SIAH2: variants seen among roughly 807,000 people sequenced by gnomAD.
SIAH2 encodes the protein E3 ubiquitin-protein ligase SIAH2.
In SIAH2, 4 loss-of-function variants were observed where a neutral mutation model predicts 20.4. That is an observed-to-expected ratio of 0.20 (90% confidence interval 0.10 to 0.45). The LOEUF is 0.45. Among genes scored for constraint, SIAH2 ranks in the 20% least tolerant of loss-of-function variants. The pLI is 0.99. For synonymous variants in SIAH2, 171 were observed against 192.5 expected, an observed-to-expected ratio of 0.89 and a Z score of 0.93; for missense variants, 259 against 440.3, an observed-to-expected ratio of 0.59 and a Z score of 3.69.
chr3:150,759,961 C>T (rs1714568673), intron 1 of SIAH2, among the ~76,000 whole-genome samples: 2 of 151,604 alleles, frequency 1.3e-5, no homozygotes, highest in African/African-American at 2.4e-5. Flanking sequence ...ATGAGCCAGC[C>T]CATGAGAGAT....
In SIAH2 at chr3:150,762,619, G is replaced by A. The variant is rs184012990; in HGVS notation, c.231C>T (p.Leu77=). 4 of 1,610,962 alleles carry A rather than the reference G, an allele frequency of 2.5e-6. No homozygotes were observed. The highest frequency in any genetic ancestry group is 4.5e-5 in the East Asian group (2 of 44,612). ...VSPQHHELTS[L]FECPVCFDYV... ...AGTCAAAGCAGACCGGACACTCGAAGAGCGAGGTCAGCTCGTGGTGCTGCG... is the reference window on the plus strand; with the variant it reads ...AGTCAAAGCAGACCGGACACTCGAAAAGCGAGGTCAGCTCGTGGTGCTGCG... Residue 77 remains leucine (L), a synonymous_variant, in exon 1 of 2, where the codon CTC becomes CTT. Transcript: ENST00000312960. This position sits in a 1 kb window ranked among gnomAD's most constrained non-coding sequence, Gnocchi z 6.6.
In SIAH2 at chr3:150,742,270, C is replaced by G. The variant is rs141195813; in HGVS notation, c.846G>C (p.Ser282=). Residue 282 remains serine (S), a synonymous_variant, in exon 2 of 2, where the codon TCG becomes TCC. Transcript: ENST00000312960. This position sits in a 1 kb window ranked among gnomAD's most constrained non-coding sequence, Gnocchi z 4.8. ...TGGCCGCAGCCACACCGTCATGAAT[C>G]GAACGGGGCGTGGCCTCCCAGGTCA... The part of the protein sequence containing the change: ...RRLTWEATPR[S]IHDGVAAAIM... 225 of 1,614,168 alleles carry G rather than the reference C, an allele frequency of 1.4e-4. No homozygotes were observed. In the African/African-American group the frequency reaches 2.8e-3, roughly 20 times the overall value.
chr3:150,759,106 T>C (rs1462672647), intron 1 of SIAH2, among the ~76,000 whole-genome samples: 2 of 152,068 alleles, frequency 1.3e-5, no homozygotes, highest in Non-Finnish European at 2.9e-5. Flanking sequence ...GGTCTCGAAC[T>C]CCTGACCTCA....
At chr3:150,759,957 C>T (rs1385350132) in intron 1 of SIAH2, among the ~76,000 whole-genome samples, 2 of 151,740 alleles carry the variant, frequency 1.3e-5, no homozygotes, top group Admixed American at 1.3e-4. Context: ...TCACATGAGC[C>T]AGCCCATGAG....
At chr3:150,756,405 C>G (rs1172654475) in intron 1 of SIAH2, among the ~76,000 whole-genome samples, 2 of 152,194 alleles carry the variant, frequency 1.3e-5, no homozygotes, top group African/African-American at 4.8e-5. Flanking sequence ...CCATGTCTCA[C>G]AAATTTTGTC....
At chr3:150,747,708 A>G (rs1475072218) in intron 1 of SIAH2, among the ~76,000 whole-genome samples, 3 of 152,084 alleles carry the variant, frequency 2.0e-5, no homozygotes, top group Non-Finnish European at 4.4e-5. Flanking sequence ...TGGGAGGTTG[A>G]GTCGGGTGGA....
intron 1 of SIAH2, among the ~76,000 whole-genome samples, chr3:150,759,063 G>C (rs1714547052): frequency 1.3e-5 from 2 of 151,504 alleles, no homozygotes; most frequent in South Asian, 4.2e-4. Context: ...TGTATTTTTA[G>C]TAGAGACAGG....
chr3:150,751,526 A>C (rs1041254937), intron 1 of SIAH2, among the ~76,000 whole-genome samples: 1 of 152,212 alleles, frequency 6.6e-6, no homozygotes, highest in Non-Finnish European at 1.5e-5. Flanking sequence ...AGAACTGTCA[A>C]GTCAAACAGT....
chr3:150,752,996 G>C (rs1400834716), intron 1 of SIAH2, among the ~76,000 whole-genome samples: 2 of 152,230 alleles, frequency 1.3e-5, no homozygotes, highest in Non-Finnish European at 2.9e-5. Context: ...AGCAAGGCAA[G>C]CAACATCCTT....
At chr3:150,746,484 G>C (rs73006998) in intron 1 of SIAH2, among the ~76,000 whole-genome samples, 19 of 152,048 alleles carry the variant, frequency 1.2e-4, no homozygotes, top group Non-Finnish European at 1.0e-4. Context: ...TGAGTTTCTC[G>C]ACAGTGGTGC....
chr3:150,754,962 CCT>C (rs759214863), intron 1 of SIAH2, among the ~76,000 whole-genome samples: 1 of 152,080 alleles, frequency 6.6e-6, no homozygotes, highest in Non-Finnish European at 1.5e-5. Flanking sequence ...AGGAATGATT[CCT>C]TTTTTTCAAG....
At chr3:150,759,497 G>T (rs543957154) in intron 1 of SIAH2, among the ~76,000 whole-genome samples, 3 of 152,240 alleles carry the variant, frequency 2.0e-5, no homozygotes, top group African/African-American at 7.2e-5. Flanking sequence ...AGACGGTTTT[G>T]TTACTGGTGT....
chr3:150,743,580 T>C (rs1230609988), intron 1 of SIAH2, among the ~76,000 whole-genome samples: 1 of 152,122 alleles, frequency 6.6e-6, no homozygotes, highest in African/African-American at 2.4e-5. Flanking sequence ...CTAGACAAGT[T>C]TGCTGACATG....
Position 150,746,314 on chromosome 3 carries a change from T to C in SIAH2, c.418-3616A>G, listed in dbSNP as rs531101169. On this transcript the variant is annotated intron_variant, in intron 1 of 1. Transcript: ENST00000312960. ...GGAAGGCTGAGACAGGAGAATAACTTGAACCCAGGAGGAGGAGGTTGCAGT... is the reference window on the plus strand; with the variant it reads ...GGAAGGCTGAGACAGGAGAATAACTCGAACCCAGGAGGAGGAGGTTGCAGT... Among the ~76,000 whole-genome samples, 6 of 152,186 alleles carry C rather than the reference T, an allele frequency of 3.9e-5. No individual in the cohort carries two copies. In the South Asian group the frequency reaches 1.2e-3, roughly 32 times the overall value.
chr3:150,749,274 G>A (rs1355437920), intron 1 of SIAH2, among the ~76,000 whole-genome samples: 4 of 152,072 alleles, frequency 2.6e-5, no homozygotes, highest in African/African-American at 4.8e-5. Context: ...CGAGATGAAG[G>A]GACTGCTTGA....
In SIAH2 at chr3:150,742,479, G is replaced by A; in HGVS notation, c.637C>T (p.Pro213Ser). 1 of 1,614,140 alleles carries A rather than the reference G, an allele frequency of 6.2e-7. No individual in the cohort carries two copies. The highest frequency in any genetic ancestry group is 1.3e-5 in the African/African-American group (1 of 75,016). Residue 213 changes from proline to serine, a missense_variant, in exon 2 of 2, where the codon CCA becomes TCA. By Grantham distance (74) the Pro-to-Ser change is moderately conservative (BLOSUM62 -1). Coordinates refer to ENST00000312960, the MANE Select transcript of SIAH2 (RefSeq NM_005067.7). The surrounding 1 kb of genome is among the most constrained non-coding windows in gnomAD (Gnocchi z 4.8). ...ATCATCACCCAGTCGACAGCCCCTG[G>A]CAAGTTAATGTCTGTAGCTAGAAAG... Reference protein sequence around the residue: ...IVFLATDINLPGAVDWVMMQS... With the variant: ...IVFLATDINLSGAVDWVMMQS...
rs1167596905 is a variant in SIAH2 at position 150,762,736 on chromosome 3, G to A, written c.114C>T (p.Ile38=). 14 of 1,179,412 alleles carry A rather than the reference G, an allele frequency of 1.2e-5. No individual in the cohort carries two copies. The highest frequency in any genetic ancestry group is 1.5e-5 in the Non-Finnish European group (14 of 948,140). 73.1% of individuals were successfully genotyped at this position (1,179,412 alleles called of 1,614,324 possible). The change falls in exon 1 of 2, where the codon ATC becomes ATT. Residue 38 remains isoleucine (I), a synonymous_variant. Coordinates refer to ENST00000312960, the MANE Select transcript of SIAH2 (RefSeq NM_005067.7). The surrounding 1 kb of genome is among the most constrained non-coding windows in gnomAD (Gnocchi z 6.6). ...CGGACGAGCCGGGGCCCGCAGCCGA[G>A]ATGGTGGCGGCGGCCGGGGGCGCAG... is the stretch of plus-strand genomic sequence containing the variant. ...SPAAPPAAAT[I]SAAGPGSSAV... is the part of the protein sequence containing the mutation.
At chr3:150,760,896 A>G (rs1291657286) in intron 1 of SIAH2, among the ~76,000 whole-genome samples, 3 of 152,378 alleles carry the variant, frequency 2.0e-5, no homozygotes, top group Admixed American at 6.5e-5. Context: ...TACTTTATCT[A>G]AATTTTGAGA....
rs1328956397 is a variant in SIAH2, at chr3:150,741,161, A to G, written c.*980T>C. ...AAAATATTTATTAAAAAACTAGTGA[A>G]TGTGGCAGAAAAACAAAACCAACAC... On this transcript the variant is annotated 3_prime_UTR_variant, in exon 2 of 2. Coordinates refer to ENST00000312960, the MANE Select transcript of SIAH2 (RefSeq NM_005067.7). 2 of 152,654 alleles carry G rather than the reference A, an allele frequency of 1.3e-5. No homozygotes were observed. Among genetic ancestry groups the G allele is most frequent in the African/African-American group, 4.8e-5 (2 of 41,456 alleles). The allele number at this position is 152,654 out of a possible 1,614,324, so 9.5% of individuals were successfully genotyped here.
Sources: gnomAD v4.1 joint callset for allele counts (sites outside exome capture counted in the v4.1 genomes callset) on GRCh38, gnomAD v4.1.1 for gene constraint, Gnocchi (gnomAD v3.1) non-coding constraint, MANE v1.5 for transcripts, NCBI Gene and HGNC (gene_info 2026-07-23, HGNC 2026-07-21) for gene names.